The following KCNJ6 variants were observed in gnomAD, a reference collection of about 807,000 sequenced individuals.
The protein encoded by KCNJ6 is G protein-activated inward rectifier potassium channel 2.
Under a neutral mutation model 34.2 loss-of-function variants are expected in KCNJ6, and 9 were observed. The observed-to-expected ratio is 0.26, with a 90% confidence interval of 0.16 to 0.46. The LOEUF is 0.46. KCNJ6 is among the 20% of genes least tolerant of loss of function. The pLI, the probability that KCNJ6 is intolerant of heterozygous loss-of-function variation, is 1.00. For synonymous variants in KCNJ6, 196 were observed against 207.1 expected (o/e 0.95, Z 0.46); for missense variants, 236 against 531.3 (o/e 0.44, Z 5.46).
intron 3 of KCNJ6, among the ~76,000 whole-genome samples, chr21:37,653,860 T>C (rs2054444935): frequency 6.6e-6 from 1 of 152,176 alleles, no homozygotes; most frequent in African/African-American, 2.4e-5. Flanking sequence ...AAGTTAGAGA[T>C]GCATTCTTAG....
chr21:37,673,004 T>C (rs569666761), intron 3 of KCNJ6, among the ~76,000 whole-genome samples: 11 of 152,226 alleles, frequency 7.2e-5, no homozygotes, highest in Non-Finnish European at 1.3e-4. Context: ...GATTTTTCTT[T>C]TAAGTGTGGT....
At chr21:37,648,697 T>C (rs920031084) in intron 3 of KCNJ6, among the ~76,000 whole-genome samples, 2 of 152,230 alleles carry the variant, frequency 1.3e-5, no homozygotes, top group Non-Finnish European at 2.9e-5. Flanking sequence ...GGATGCCACC[T>C]GACAAAATGA....
chr21:37,915,748 A>G (rs921586199), intron 1 of KCNJ6, 136 bp downstream of exon 1: 4 of 152,178 alleles, frequency 2.6e-5, no homozygotes, highest in African/African-American at 9.7e-5. Context: ...CTTGGGCACA[A>G]TGTTTCTCAT....
chr21:37,780,301 G>C (rs936721934), intron 2 of KCNJ6, among the ~76,000 whole-genome samples: 4 of 152,146 alleles, frequency 2.6e-5, no homozygotes, highest in African/African-American at 4.8e-5. Flanking sequence ...GGTTGCAAGA[G>C]GTCTAGGGAG....
At chr21:37,835,813 C>A (rs1457213443) in intron 2 of KCNJ6, among the ~76,000 whole-genome samples, 1 of 145,106 alleles carries the variant, frequency 6.9e-6, no homozygotes, top group African/African-American at 2.9e-5. Flanking sequence ...TCACCCTAAC[C>A]CTAACCCTAA....
At chr21:37,816,356 T>G (rs1402287792) in intron 2 of KCNJ6, among the ~76,000 whole-genome samples, 1 of 152,226 alleles carries the variant, frequency 6.6e-6, no homozygotes, top group African/African-American at 2.4e-5. Context: ...TTGGGGTTGC[T>G]TCTATGCTCT....
intron 3 of KCNJ6, among the ~76,000 whole-genome samples, chr21:37,711,715 C>T (rs1162993329): frequency 6.6e-6 from 1 of 151,978 alleles, no homozygotes; most frequent in African/African-American, 2.4e-5. Context: ...AGCAGCTGTG[C>T]TGGGGGTACT....
At chr21:37,819,862 C>A (rs2055365665) in intron 2 of KCNJ6, among the ~76,000 whole-genome samples, 1 of 150,508 alleles carries the variant, frequency 6.6e-6, no homozygotes, top group Admixed American at 6.6e-5. Flanking sequence ...TGGGTCATTG[C>A]AACCTCTGCC....
intron 2 of KCNJ6, among the ~76,000 whole-genome samples, chr21:37,717,427 G>T (rs1287489511): frequency 6.6e-6 from 1 of 150,508 alleles, no homozygotes; most frequent in Admixed American, 6.7e-5. Context: ...TGGAGATGGG[G>T]TGGGTGTATG....
At chr21:37,681,407 C>T (rs1466601999) in intron 3 of KCNJ6, among the ~76,000 whole-genome samples, 1 of 152,214 alleles carries the variant, frequency 6.6e-6, no homozygotes, top group South Asian at 2.1e-4. Flanking sequence ...CTCTGATGTG[C>T]TCTTCTCTTT....
intron 3 of KCNJ6, among the ~76,000 whole-genome samples, chr21:37,704,657 G>GTCA (rs1569448640): frequency 1.4e-5 from 1 of 72,804 alleles, no homozygotes; most frequent in East Asian, 3.0e-4. Flanking sequence ...AGTATGAGTC[G>GTCA]TCGTCATCAT....
At chr21:37,694,161 A>C (rs184372497) in intron 3 of KCNJ6, among the ~76,000 whole-genome samples, 41 of 152,324 alleles carry the variant, frequency 2.7e-4, no homozygotes, top group Non-Finnish European at 4.4e-5. Flanking sequence ...CCCACACTGC[A>C]GCCTCAGATA....
At chr21:37,789,626 T>C (rs2055207771) in intron 2 of KCNJ6, among the ~76,000 whole-genome samples, 1 of 152,190 alleles carries the variant, frequency 6.6e-6, no homozygotes, top group African/African-American at 2.4e-5. Flanking sequence ...GGTTAACTTG[T>C]TAAGGTTAGC....
chr21:37,644,496 G>T (rs2054394855), intron 3 of KCNJ6, among the ~76,000 whole-genome samples: 1 of 152,162 alleles, frequency 6.6e-6, no homozygotes, highest in South Asian at 2.1e-4. Flanking sequence ...TAAGATGCAT[G>T]TGTCTAAGGC....
chr21:37,677,531 T>C (rs550226519), intron 3 of KCNJ6, among the ~76,000 whole-genome samples: 1 of 152,278 alleles, frequency 6.6e-6, no homozygotes, highest in Admixed American at 6.5e-5. Context: ...TTTTTGTTGT[T>C]GTTTGTATTT....
chr21:37,740,301 G>A (rs140785386), intron 2 of KCNJ6, among the ~76,000 whole-genome samples: 5 of 152,234 alleles, frequency 3.3e-5, no homozygotes, highest in Non-Finnish European at 5.9e-5. Context: ...ACACAGACCC[G>A]AAGTCTGATA....
At chr21:37,792,264 TCCAGCAAACCCTGC>T (rs911153137) in intron 2 of KCNJ6, among the ~76,000 whole-genome samples, 1 of 152,234 alleles carries the variant, frequency 6.6e-6, no homozygotes, top group Non-Finnish European at 1.5e-5. Flanking sequence ...GCTTCAAGTC[TCCAGCAAACCCTGC>T]CCATCTCTAG....
At chr21:37,765,509 T>C (rs1342443217) in intron 2 of KCNJ6, among the ~76,000 whole-genome samples, 1 of 152,312 alleles carries the variant, frequency 6.6e-6, no homozygotes, top group Non-Finnish European at 1.5e-5. Context: ...ACAATGCATA[T>C]GGCAGCCCCC....
chr21:37,731,416 G>A (rs972795526), intron 2 of KCNJ6, among the ~76,000 whole-genome samples: 78 of 152,290 alleles, frequency 5.1e-4, no homozygotes, highest in African/African-American at 1.7e-3. Context: ...AAAATCATAA[G>A]TTGGGAAGGG....
Sources: allele counts gnomAD v4.1 joint callset (sites outside exome capture counted in the v4.1 genomes callset), GRCh38; gene constraint gnomAD v4.1.1; transcripts MANE v1.5; gene names NCBI Gene and HGNC (gene_info 2026-07-23, HGNC 2026-07-21).